Variants in COMMD10 observed in about 807,000 individuals in gnomAD.
The protein encoded by COMMD10 is COMM domain containing 10, also known as COMM domain-containing protein 10.
Under a neutral mutation model 28.9 loss-of-function variants are expected in COMMD10, and 33 were observed. The ratio of observed to expected loss-of-function variants is 1.14; its 90% confidence interval spans 0.87 to 1.53. The LOEUF is 1.53. Ranked by LOEUF, COMMD10 falls within the 40% of genes most tolerant of loss-of-function variation. COMMD10 has a pLI of 0.00. For synonymous variants in COMMD10, 110 were observed against 81.7 expected (o/e 1.35, Z -1.87); for missense variants, 310 against 233.4 (o/e 1.33, Z -2.14).
chr5:116,254,634 C>G (rs1333966249), intron 5 of COMMD10, among the ~76,000 whole-genome samples: 23 of 151,698 alleles, frequency 1.5e-4, no homozygotes, highest in African/African-American at 5.4e-4. Context: ...ATCCTGAGTT[C>G]TAGTTTGATT....
At chr5:116,221,999 T>TA (rs551821501) in intron 5 of COMMD10, among the ~76,000 whole-genome samples, 7 of 152,188 alleles carry the variant, frequency 4.6e-5, no homozygotes, top group African/African-American at 7.2e-5. Flanking sequence ...CTTCTTTAGT[T>TA]ACCAGGAGTG....
intron 4 of COMMD10, among the ~76,000 whole-genome samples, chr5:116,113,779 G>T (rs1232308487): frequency 2.0e-5 from 3 of 152,020 alleles, no homozygotes; most frequent in Non-Finnish European, 4.4e-5. Context: ...CTTTGGGGTT[G>T]TAAGGTTTTC....
chr5:116,189,065 T>G (rs76389083), intron 5 of COMMD10, among the ~76,000 whole-genome samples: 1,803 of 152,296 alleles, frequency 0.012, 35 homozygotes, highest in African/African-American at 0.04. Context: ...ATGTTAGGGT[T>G]TATTCTGAGT....
In COMMD10 at chr5:116,123,986, C is replaced by CT. The variant is rs1292536627; in HGVS notation, c.400-10081dup. Among the ~76,000 whole-genome samples the CT allele has an allele frequency of 2.0e-5, 3 of 151,904 alleles. No individual in the cohort carries two copies. In the East Asian group the frequency reaches 5.8e-4, roughly 29 times the overall value. On this transcript the variant is annotated intron_variant, in intron 4 of 6. Coordinates refer to ENST00000274458, the MANE Select transcript of COMMD10 (RefSeq NM_016144.4). ...CTTCTTTATTAATCTTGCCAGCAGT[C>CT]TATCAATTTTGTTGATCTTTTCAAA...
intron 4 of COMMD10, among the ~76,000 whole-genome samples, chr5:116,131,488 C>G (rs960235160): frequency 6.6e-6 from 1 of 151,872 alleles, no homozygotes; most frequent in Admixed American, 6.6e-5. Flanking sequence ...TGCCTCCTAC[C>G]AAAGCCATAG....
At chr5:116,188,671 A>G (rs1174174168) in intron 5 of COMMD10, 2 of 125,020 alleles carry the variant, frequency 1.6e-5, no homozygotes, top group African/African-American at 6.6e-5. Flanking sequence ...TGGCTCTATC[A>G]TCCTCCAGGT....
At chr5:116,130,738 C>T (rs1751837674) in intron 4 of COMMD10, among the ~76,000 whole-genome samples, 3 of 152,018 alleles carry the variant, frequency 2.0e-5, no homozygotes, top group Admixed American at 2.0e-4. Context: ...GAATGAGTAA[C>T]ACAGTCTTGA....
chr5:116,165,838 C>T (rs1753071776), intron 5 of COMMD10, among the ~76,000 whole-genome samples: 1 of 152,134 alleles, frequency 6.6e-6, no homozygotes, highest in South Asian at 2.1e-4. Context: ...GAGGCCCCAT[C>T]TCCAAATGCA....
intron 5 of COMMD10, among the ~76,000 whole-genome samples, chr5:116,258,358 TA>T (rs1328784083): frequency 6.6e-6 from 1 of 151,784 alleles, no homozygotes; most frequent in African/African-American, 2.4e-5. Flanking sequence ...TATTTCCTTT[TA>T]AAATTATGCA....
At chr5:116,189,049 C>T (rs1413067366) in intron 5 of COMMD10, among the ~76,000 whole-genome samples, 2 of 152,174 alleles carry the variant, frequency 1.3e-5, no homozygotes, top group African/African-American at 2.4e-5. Flanking sequence ...ATTGATGGCT[C>T]ATTGTATGTT....
At chr5:116,249,806 T>TA (rs1750057430) in intron 5 of COMMD10, among the ~76,000 whole-genome samples, 1 of 151,926 alleles carries the variant, frequency 6.6e-6, no homozygotes, top group South Asian at 2.1e-4. Context: ...ATTTGTGTTT[T>TA]GGGGGGAATT....
intron 5 of COMMD10, among the ~76,000 whole-genome samples, chr5:116,194,662 G>C (rs550893037): frequency 6.6e-6 from 1 of 152,212 alleles, no homozygotes; most frequent in Admixed American, 6.5e-5. Context: ...CAAGCAGTGA[G>C]ATTGAAATGG....
chr5:116,215,501 A>G (rs1749070255), intron 5 of COMMD10, among the ~76,000 whole-genome samples: 1 of 151,524 alleles, frequency 6.6e-6, no homozygotes, highest in South Asian at 2.1e-4. Flanking sequence ...ATCCTCGCCA[A>G]CAAGGTGAAA....
At chr5:116,166,847 C>G (rs766203411) in intron 5 of COMMD10, among the ~76,000 whole-genome samples, 4 of 152,032 alleles carry the variant, frequency 2.6e-5, no homozygotes, top group Non-Finnish European at 4.4e-5. Flanking sequence ...CGAAGGTCAC[C>G]AACATCAAAG....
At chr5:116,182,045 C>A (rs908237640) in intron 5 of COMMD10, among the ~76,000 whole-genome samples, 1 of 151,858 alleles carries the variant, frequency 6.6e-6, no homozygotes, top group African/African-American at 2.4e-5. Flanking sequence ...ATGTGAAGGA[C>A]AAGAACAAGG....
At chr5:116,100,557 G>T in intron 4 of COMMD10, among the ~76,000 whole-genome samples, 1 of 141,184 alleles carries the variant, frequency 7.1e-6, no homozygotes, top group African/African-American at 2.6e-5. Flanking sequence ...AGTTTTCTCA[G>T]TACCATTAGT....
intron 5 of COMMD10, among the ~76,000 whole-genome samples, chr5:116,157,158 A>G (rs989753719): frequency 1.3e-5 from 2 of 152,148 alleles, no homozygotes; most frequent in Non-Finnish European, 2.9e-5. Flanking sequence ...GTTTTTCCTA[A>G]TAGATTGCTC....
At chr5:116,274,252 C>G (rs1250321850) in intron 5 of COMMD10, among the ~76,000 whole-genome samples, 1 of 151,840 alleles carries the variant, frequency 6.6e-6, no homozygotes, top group Non-Finnish European at 1.5e-5. Context: ...TATTAGGTCA[C>G]TTTTGGTAAA....
intron 5 of COMMD10, among the ~76,000 whole-genome samples, chr5:116,227,401 T>G (rs1749420248): frequency 6.6e-6 from 1 of 152,060 alleles, no homozygotes; most frequent in African/African-American, 2.4e-5. Flanking sequence ...TTAGATATTC[T>G]TCTGATTTCC....
Sources: allele counts gnomAD v4.1 joint callset (sites outside exome capture counted in the v4.1 genomes callset), GRCh38; gene constraint gnomAD v4.1.1; transcripts MANE v1.5; gene names NCBI Gene and HGNC (gene_info 2026-07-23, HGNC 2026-07-21).